The following OR14I1 variants were observed in gnomAD, a reference collection of about 807,000 sequenced individuals.
OR14I1 encodes the protein olfactory receptor 14I1.
For synonymous variants in OR14I1, 118 were observed against 71.1 expected (o/e 1.66, Z -3.32); for missense variants, 279 against 181.8 (o/e 1.53, Z -3.07).
chr1:248,686,055 A>C (rs1661645606), upstream of OR14I1, among the ~76,000 whole-genome samples: 1 of 152,280 alleles, frequency 6.6e-6, no homozygotes, highest in South Asian at 2.1e-4. Context: ...ATTTTCATAT[A>C]CATATGTGCA....
At chr1:248,681,326 TGGGG>T (rs1553277311) in exon 1 of OR14I1, 1 of 648,516 alleles carries the variant, frequency 1.5e-6, no homozygotes, top group East Asian at 2.5e-5. Flanking sequence ...TATGCTTTTT[TGGGG>T]TTTTGTTGCA....
chr1:248,682,437 C>T (rs1661584288), upstream of OR14I1: 1 of 572,160 alleles, frequency 1.7e-6, no homozygotes, highest in East Asian at 2.8e-5. Context: ...ATCTTCCACA[C>T]TGCTTAAACA....
At chr1:248,690,600 CAAAAAAAAAAAAAA>C in the OR14I1 span, among the ~76,000 whole-genome samples, 1 of 51,524 alleles carries the variant, frequency 1.9e-5, no homozygotes, top group Non-Finnish European at 3.3e-5. Flanking sequence ...GTCTACCAAC[CAAAAAAAAAAAAAA>C]AAAAAAAAAG....
chr1:248,695,942 A>G, the OR14I1 span, among the ~76,000 whole-genome samples: 1 of 152,202 alleles, frequency 6.6e-6, no homozygotes, highest in Non-Finnish European at 1.5e-5. Flanking sequence ...AGAAATCTGG[A>G]TCCTGGTCTC....
the OR14I1 span, among the ~76,000 whole-genome samples, chr1:248,690,060 C>T: frequency 7.2e-5 from 11 of 152,020 alleles, no homozygotes; most frequent in Non-Finnish European, 1.5e-4. Flanking sequence ...CCAGAATTTC[C>T]GGGACACAGC....
exon 1 of OR14I1, chr1:248,681,519 T>C (rs1284603798): frequency 2.6e-6 from 2 of 780,944 alleles, no homozygotes; most frequent in Non-Finnish European, 4.8e-6. Flanking sequence ...ACAGAGCTTT[T>C]GCAATTGGTC....
the OR14I1 span, among the ~76,000 whole-genome samples, chr1:248,691,590 A>G: frequency 6.6e-6 from 1 of 152,248 alleles, no homozygotes; most frequent in African/African-American, 2.4e-5. Context: ...TCCAATCGTC[A>G]GAACTGTGGA....
the OR14I1 span, among the ~76,000 whole-genome samples, chr1:248,701,052 C>T: frequency 1.3e-5 from 2 of 152,018 alleles, no homozygotes; most frequent in Admixed American, 1.3e-4. Context: ...GATTTAGCCT[C>T]CAATCAAAGG....
the OR14I1 span, among the ~76,000 whole-genome samples, chr1:248,690,528 G>A: frequency 7.7e-6 from 1 of 129,434 alleles, no homozygotes; most frequent in Admixed American, 1.0e-4. Context: ...GACTATACCA[G>A]GAAGAAGTCG....
At chr1:248,689,532 A>G in the OR14I1 span, among the ~76,000 whole-genome samples, 1 of 152,224 alleles carries the variant, frequency 6.6e-6, no homozygotes. Context: ...AAATTTACCC[A>G]TAATCTTCAG....
At chr1:248,681,708 G>T in exon 1 of OR14I1, 1 of 781,006 alleles carries the variant, frequency 1.3e-6, no homozygotes, top group Non-Finnish European at 2.4e-6. Flanking sequence ...ATGAGCTCAG[G>T]GCCAGGGTCA....
chr1:248,678,284 T>C (rs1661507378), downstream of OR14I1, among the ~76,000 whole-genome samples: 1 of 152,258 alleles, frequency 6.6e-6, no homozygotes, highest in African/African-American at 2.4e-5. Flanking sequence ...ACAGATTTAA[T>C]GTCTTTGAGG....
chr1:248,691,310 C>A, the OR14I1 span, among the ~76,000 whole-genome samples: 1 of 152,158 alleles, frequency 6.6e-6, no homozygotes, highest in African/African-American at 2.4e-5. Flanking sequence ...CATACACAGT[C>A]CCTGTCCTTT....
At chr1:248,680,835 T>C (rs184182499), downstream of OR14I1, among the ~76,000 whole-genome samples, 1 of 152,270 alleles carries the variant, frequency 6.6e-6, no homozygotes, top group Non-Finnish European at 1.5e-5. Flanking sequence ...TTTCTAAAAA[T>C]AACTAAGTGA....
chr1:248,681,582 G>T (rs201585486), exon 1 of OR14I1: 4 of 780,878 alleles, frequency 5.1e-6, no homozygotes, highest in Non-Finnish European at 2.4e-6. Flanking sequence ...CAATGAGCTG[G>T]GGGGAGCAGG....
chr1:248,690,314 AATAG>A, the OR14I1 span, among the ~76,000 whole-genome samples: 1 of 152,132 alleles, frequency 6.6e-6, no homozygotes, highest in Non-Finnish European at 1.5e-5. Flanking sequence ...AGACTAACAA[AATAG>A]ATAGACCACC....
chr1:248,695,358 C>T, the OR14I1 span, among the ~76,000 whole-genome samples: 8 of 150,900 alleles, frequency 5.3e-5, no homozygotes, highest in Non-Finnish European at 1.2e-4. Context: ...CTCAGCCTCC[C>T]GAGTAGCTGG....
the OR14I1 span, among the ~76,000 whole-genome samples, chr1:248,689,446 A>C: frequency 1.3e-5 from 2 of 152,124 alleles, no homozygotes; most frequent in African/African-American, 4.8e-5. Flanking sequence ...CCAATTCTGA[A>C]CCCAGTCCAG....
upstream of OR14I1, among the ~76,000 whole-genome samples, chr1:248,683,762 G>A (rs549438753): frequency 2.6e-5 from 4 of 152,322 alleles, no homozygotes; most frequent in East Asian, 7.7e-4. Context: ...GGCAAAGCGC[G>A]GTGGCGAACT....
Sources: allele counts gnomAD v4.1 joint callset (sites outside exome capture counted in the v4.1 genomes callset), GRCh38; gene constraint gnomAD v4.1.1; transcripts MANE v1.5; gene names NCBI Gene and HGNC (gene_info 2026-07-23, HGNC 2026-07-21).